DNAJC13: variants seen among roughly 807,000 people sequenced by gnomAD.
DNAJC13 encodes dnaJ homolog subfamily C member 13.
A neutral mutation model predicts 290.5 loss-of-function variants in DNAJC13; 75 were observed. That is an observed-to-expected ratio of 0.26 (90% CI 0.21 to 0.31). The LOEUF is 0.31. DNAJC13 is among the 10% of genes least tolerant of loss of function. DNAJC13 has a pLI of 1.00. For synonymous variants in DNAJC13, 862 were observed against 892.0 expected, an observed-to-expected ratio of 0.97 and a Z score of 0.60; for missense variants, 2,260 against 2,674.5, an observed-to-expected ratio of 0.85 and a Z score of 3.42.
intron 16 of DNAJC13, among the ~76,000 whole-genome samples, chr3:132,463,046 T>C (rs1336567193): frequency 6.6e-6 from 1 of 152,258 alleles, no homozygotes; most frequent in East Asian, 1.9e-4. Flanking sequence ...TAGCTATGAA[T>C]GTCTGTTGCA....
intron 20 of DNAJC13, among the ~76,000 whole-genome samples, chr3:132,471,859 G>C (rs1274250376): frequency 6.8e-6 from 1 of 147,192 alleles, no homozygotes; most frequent in African/African-American, 2.4e-5. Context: ...CCGGGCAGAG[G>C]CTGCAATCTC....
chr3:132,465,927 C>T, intron 17 of DNAJC13, 68 bp from the exon 18 acceptor site: 3 of 1,013,500 alleles, frequency 3.0e-6, no homozygotes, highest in Non-Finnish European at 4.4e-6. Context: ...ATATTTTGTT[C>T]TTAAAAATTC....
Position 132,480,406 on chromosome 3 carries a change from G to A in DNAJC13, c.2810G>A (p.Arg937Lys), listed in dbSNP as rs760965901. The stretch of plus-strand genomic sequence containing the variant: ...GATCTCATGGATTCAAATGGAATAA[G>A]AATCCTTGTGGACTTGCTTACCCTT... Reference protein sequence around the residue: ...VKDLMDSNGIRILVDLLTLAH... With the variant: ...VKDLMDSNGIKILVDLLTLAH... The change falls in exon 26 of 56, where the codon AGA becomes AAA. Residue 937 changes from arginine (R) to lysine (K), a missense_variant. Physicochemically the swap from Arg to Lys is conservative, Grantham distance 26. Coordinates refer to ENST00000260818, the MANE Select transcript of DNAJC13 (RefSeq NM_015268.4). The A allele has an allele frequency of 6.2e-7, 1 of 1,613,626 alleles. No homozygotes were observed. The highest frequency in any genetic ancestry group is 1.1e-5 in the South Asian group (1 of 91,060).
intron 55 of DNAJC13, among the ~76,000 whole-genome samples, chr3:132,533,333 C>CT (rs1180651951): frequency 0.28 from 32,825 of 115,520 alleles, 6,958 homozygotes; most frequent in African/African-American, 0.56. Flanking sequence ...TGCCCGCCCT[C>CT]TTTTTTTTTT....
At chr3:132,466,612 T>C (rs1379364182) in intron 19 of DNAJC13, among the ~76,000 whole-genome samples, 1 of 152,186 alleles carries the variant, frequency 6.6e-6, no homozygotes, top group African/African-American at 2.4e-5. Flanking sequence ...ATTTACAGAG[T>C]TGTGCAGCTA....
At position 132,500,975 on chromosome 3, in the gene DNAJC13, C is replaced by A. The variant is rs1450396217; in HGVS notation, c.4536+62C>A. 1.9e-6 allele frequency: 3 copies of A among 1,577,778 alleles called. No individual in the cohort carries two copies. In the East Asian group the frequency reaches 6.8e-5, roughly 36 times the overall value. ...GCAAAGTGTCTTTTTGTCAACTAGC[C>A]AGTTCCTAATGTATAAGCACATTGT... On this transcript the variant is annotated intron_variant, in intron 39 of 55. Coordinates refer to ENST00000260818, the MANE Select transcript of DNAJC13 (RefSeq NM_015268.4).
chr3:132,526,163 C>G lies in DNAJC13; in HGVS notation c.6263C>G (p.Ser2088Cys). The G allele has an allele frequency of 6.2e-7, 1 of 1,614,050 alleles. No individual in the cohort carries two copies. The highest frequency in any genetic ancestry group is 8.5e-7 in the Non-Finnish European group (1 of 1,179,966). ...TAGCTGTGTGTTCGAGCCATGGCATCTTTAGAGACCATTGGCCCACTGATG... is the reference window on the plus strand; with the variant it reads ...TAGCTGTGTGTTCGAGCCATGGCATGTTTAGAGACCATTGGCCCACTGATG... ...ENELCVRAMA[S>C]LETIGPLMNG... The change falls in exon 53 of 56, where the codon TCT becomes TGT. Residue 2088 changes from serine to cysteine, a missense_variant. Coordinates refer to ENST00000260818, the MANE Select transcript of DNAJC13 (RefSeq NM_015268.4).
At chr3:132,528,035 A>C (rs542903852) in intron 53 of DNAJC13, among the ~76,000 whole-genome samples, 154 bp from the exon 54 acceptor site, 1 of 152,152 alleles carries the variant, frequency 6.6e-6, no homozygotes, top group Admixed American at 6.5e-5. Flanking sequence ...AATCTCATTA[A>C]ATAAAAATGT....
intron 17 of DNAJC13, 99 bp from the exon 18 acceptor site, chr3:132,465,896 C>T (rs1212120290): frequency 1.4e-5 from 10 of 691,030 alleles, no homozygotes; most frequent in Non-Finnish European, 1.9e-5. Context: ...TTACTGTAGC[C>T]GTATTTTTTA....
chr3:132,479,229 C>A lies in DNAJC13; in HGVS notation c.2712C>A (p.Cys904Ter). 1 of 1,600,542 alleles carries A rather than the reference C, an allele frequency of 6.2e-7. No individual in the cohort carries two copies. Among genetic ancestry groups the A allele is most frequent in the Non-Finnish European group, 8.6e-7 (1 of 1,168,768 alleles). Reference sequence around the variant, plus strand: ...CAGATTCTCATTTATTTCAATAGTGCACAGATAAACTTGAACGAGATAGGT... The same window carrying A: ...CAGATTCTCATTTATTTCAATAGTGAACAGATAAACTTGAACGAGATAGGT... ...TRYIIGMLER[C>*]TDKLERDRLI... The change falls in exon 25 of 56, where the codon TGC becomes TGA. Residue 904 changes from cysteine to a stop codon, truncating the protein, a stop_gained and splice_region_variant. Coordinates refer to ENST00000260818, the MANE Select transcript of DNAJC13 (RefSeq NM_015268.4). LOFTEE classifies it high-confidence loss of function.
intron 22 of DNAJC13, 57 bp from the exon 23 acceptor site, chr3:132,477,732 G>T: frequency 1.5e-6 from 2 of 1,324,500 alleles, no homozygotes; most frequent in South Asian, 1.3e-5. Flanking sequence ...ACAATTATTA[G>T]AAATTGCCAA....
intron 43 of DNAJC13, among the ~76,000 whole-genome samples, chr3:132,510,537 A>T (rs1028015729): frequency 1.3e-5 from 2 of 152,034 alleles, no homozygotes; most frequent in South Asian, 4.2e-4. Context: ...GGAGGTGGCA[A>T]AGAGGATTTG....
chr3:132,516,386 G>T (rs1455009164), intron 46 of DNAJC13, 36 bp from the exon 47 acceptor site: 2 of 1,601,944 alleles, frequency 1.2e-6, no homozygotes, highest in African/African-American at 2.7e-5. Flanking sequence ...AAGCTAACCT[G>T]ATGATGCATT....
chr3:132,463,066 G>T (rs933167146), intron 16 of DNAJC13, among the ~76,000 whole-genome samples: 1 of 152,158 alleles, frequency 6.6e-6, no homozygotes, highest in African/African-American at 2.4e-5. Context: ...ATACTATGAT[G>T]ATTACAATGA....
Position 132,453,706 on chromosome 3 carries a change from C to T in DNAJC13, c.840+12C>T, listed in dbSNP as rs1046488674. On this transcript the variant is annotated intron_variant, in intron 8 of 55. Transcript: ENST00000260818. The stretch of plus-strand genomic sequence containing the variant: ...AGCCTTTAGGAGAAGTAAGTTTCAG[C>T]ATTGTTAGCTTAAATGAGATTTCTT... The T allele has an allele frequency of 4.4e-6, 7 of 1,586,598 alleles. No individual in the cohort carries two copies. The highest frequency in any genetic ancestry group is 4.1e-5 in the African/African-American group (3 of 73,690).
Position 132,456,343 on chromosome 3 carries a change from C to A in DNAJC13, c.1041C>A (p.Ser347Arg). The A allele has an allele frequency of 6.2e-7, 1 of 1,613,982 alleles. No homozygotes were observed. Among genetic ancestry groups the A allele is most frequent in the South Asian group, 1.1e-5 (1 of 91,076 alleles). The change falls in exon 10 of 56, where the codon AGC (serine) becomes AGA (arginine). Residue 347 changes from serine (S) to arginine (R), a missense_variant. This residue lies in a region of DNAJC13 where 762 missense variants were observed against 964.1 expected (regional missense o/e 0.79). Coordinates refer to ENST00000260818, the MANE Select transcript of DNAJC13 (RefSeq NM_015268.4). ...THKGQRWGLL[S>R]MPVDEEVESL... ...AAGGTCAGCGATGGGGGTTACTCAG[C>A]ATGCCTGTTGATGAGGAAGTAGAGA...
chr3:132,446,645 G>A, intron 3 of DNAJC13, 95 bp downstream of exon 3: 1 of 749,880 alleles, frequency 1.3e-6, no homozygotes, highest in Non-Finnish European at 2.2e-6. Context: ...ATCAGTACTT[G>A]AAGATAGAAA....
chr3:132,501,335 CA>C (rs1459347235), intron 39 of DNAJC13, among the ~76,000 whole-genome samples: 1 of 151,922 alleles, frequency 6.6e-6, no homozygotes, highest in Non-Finnish European at 1.5e-5. Flanking sequence ...ACCCTGTCTA[CA>C]AAAAAATACA....
At chr3:132,434,215 A>C (rs552096476) in intron 1 of DNAJC13, among the ~76,000 whole-genome samples, 67 of 150,520 alleles carry the variant, frequency 4.5e-4, no homozygotes, top group South Asian at 1.5e-3. Context: ...ATCTCAAAAA[A>C]AAAAAACAAA....
Sources: allele counts gnomAD v4.1 joint callset (sites outside exome capture counted in the v4.1 genomes callset), GRCh38; gene constraint gnomAD v4.1.1; regional missense constraint gnomAD v4.1.1; transcripts MANE v1.5; gene names NCBI Gene and HGNC (gene_info 2026-07-23, HGNC 2026-07-21).